CDH13: variants seen among roughly 807,000 people sequenced by gnomAD.
CDH13 encodes cadherin-13.
A neutral mutation model predicts 63.8 loss-of-function variants in CDH13; 24 were observed. The observed-to-expected ratio is 0.38, with a 90% CI of 0.27 to 0.53. CDH13 has a LOEUF of 0.53. CDH13 is among the 20% of genes least tolerant of loss of function. CDH13 has a pLI of 0.85. For synonymous variants in CDH13, 503 were observed against 355.3 expected, an observed-to-expected ratio of 1.42 and a Z score of -4.67; for missense variants, 1,049 against 903.1, an observed-to-expected ratio of 1.16 and a Z score of -2.07.
At chr16:83,368,884 TTATATATATATATA>T (rs150563585) in intron 6 of CDH13, among the ~76,000 whole-genome samples, 65 of 47,682 alleles carry the variant, frequency 1.4e-3, no homozygotes, top group South Asian at 2.5e-3. Context: ...GTATTCCATG[TTATATATATATATA>T]TATATATATA....
chr16:82,991,323 C>A (rs1911629344), intron 2 of CDH13, among the ~76,000 whole-genome samples: 1 of 152,120 alleles, frequency 6.6e-6, no homozygotes, highest in East Asian at 1.9e-4. Context: ...AGGTAAAAAT[C>A]AAATACTTTA....
At chr16:83,251,114 C>A (rs756110121) in intron 5 of CDH13, among the ~76,000 whole-genome samples, 1 of 152,072 alleles carries the variant, frequency 6.6e-6, no homozygotes, top group Admixed American at 6.5e-5. Flanking sequence ...GGAGATGGAA[C>A]TGTTTCACAT....
At chr16:82,804,493 AAAAG>A (rs1272394971) in intron 1 of CDH13, among the ~76,000 whole-genome samples, 1 of 152,182 alleles carries the variant, frequency 6.6e-6, no homozygotes, top group African/African-American at 2.4e-5. Context: ...GCTATTAAGA[AAAAG>A]AAATAAAAAC....
intron 6 of CDH13, among the ~76,000 whole-genome samples, chr16:83,387,175 G>A (rs1270072498): frequency 2.0e-5 from 3 of 152,174 alleles, no homozygotes; most frequent in African/African-American, 7.2e-5. Context: ...AATAGTATAT[G>A]TGAGAAGGAG....
intron 1 of CDH13, among the ~76,000 whole-genome samples, chr16:82,819,452 T>C (rs962720711): frequency 3.3e-5 from 5 of 152,174 alleles, no homozygotes; most frequent in African/African-American, 1.2e-4. Context: ...TACAGGAAGC[T>C]TCTAAGCTGC....
chr16:82,973,737 C>T (rs960150671), intron 2 of CDH13, among the ~76,000 whole-genome samples: 2 of 152,170 alleles, frequency 1.3e-5, no homozygotes, highest in African/African-American at 4.8e-5. Flanking sequence ...TCTTCTATCC[C>T]ATGACATTTC....
At chr16:83,018,287 T>A (rs1044754539) in intron 2 of CDH13, among the ~76,000 whole-genome samples, 1 of 152,180 alleles carries the variant, frequency 6.6e-6, no homozygotes, top group African/African-American at 2.4e-5. Context: ...GGTCTAAGCT[T>A]CTAGACGCTA....
At chr16:82,649,481 CA>C (rs1325510473) in intron 1 of CDH13, among the ~76,000 whole-genome samples, 1 of 152,164 alleles carries the variant, frequency 6.6e-6, no homozygotes, top group Non-Finnish European at 1.5e-5. Context: ...CTAGATTCAA[CA>C]AAAAGAACCA....
intron 1 of CDH13, among the ~76,000 whole-genome samples, chr16:82,700,001 G>A (rs2030787837): frequency 6.6e-6 from 1 of 152,176 alleles, no homozygotes; most frequent in South Asian, 2.1e-4. Flanking sequence ...TCCCAACTTG[G>A]CTAAGATTGG....
chr16:83,217,449 C>A lies in CDH13; in HGVS notation c.588C>A (p.Ser196Arg), dbSNP rs564006725. Residue 196 changes from serine (S) to arginine (R), a missense_variant, in exon 5 of 14, where the codon AGC (serine) becomes AGA (arginine). Coordinates refer to ENST00000567109, the MANE Select transcript of CDH13 (RefSeq NM_001257.5). ...GIFRINENTG[S>R]VSVTRTLDRE... ...TCAGAATCAATGAGAACACAGGGAG[C>A]GTCTCCGTGACACGGACCTTGGACA... The A allele has an allele frequency of 6.2e-7, 1 of 1,613,756 alleles. No individual in the cohort carries two copies. Among genetic ancestry groups the A allele is most frequent in the Non-Finnish European group, 8.5e-7 (1 of 1,179,732 alleles).
chr16:83,273,145 A>C (rs1369747795), intron 5 of CDH13, among the ~76,000 whole-genome samples: 2 of 151,968 alleles, frequency 1.3e-5, no homozygotes, highest in Admixed American at 1.3e-4. Flanking sequence ...TTCTTTAATC[A>C]AGCAAAATGG....
At chr16:83,214,637 G>T (rs112158579) in intron 4 of CDH13, among the ~76,000 whole-genome samples, 2 of 113,440 alleles carry the variant, frequency 1.8e-5, no homozygotes, top group South Asian at 5.8e-4. Context: ...AAAGGATAGA[G>T]ATACCATTCT....
intron 10 of CDH13, among the ~76,000 whole-genome samples, chr16:83,722,149 G>A (rs935439096): frequency 2.6e-5 from 4 of 152,156 alleles, no homozygotes; most frequent in Admixed American, 6.6e-5. Context: ...GGTGCCCACA[G>A]TATTCAAATC....
chr16:83,684,648 T>G (rs1379967880), intron 10 of CDH13, among the ~76,000 whole-genome samples: 1 of 152,196 alleles, frequency 6.6e-6, no homozygotes, highest in African/African-American at 2.4e-5. Flanking sequence ...AGTAAACAAT[T>G]CCACAGCAGA....
At chr16:83,348,500 G>T (rs1298595897) in intron 6 of CDH13, among the ~76,000 whole-genome samples, 1 of 152,220 alleles carries the variant, frequency 6.6e-6, no homozygotes, top group African/African-American at 2.4e-5. Context: ...ACACAGCCAA[G>T]GGAACAGAAG....
chr16:83,542,467 C>T (rs1214174957), intron 7 of CDH13, among the ~76,000 whole-genome samples: 2 of 152,200 alleles, frequency 1.3e-5, no homozygotes, highest in African/African-American at 4.8e-5. Flanking sequence ...GGACCAATAA[C>T]GTGCATTTCT....
intron 4 of CDH13, among the ~76,000 whole-genome samples, chr16:83,181,375 A>G (rs543851422): frequency 5.3e-5 from 8 of 152,296 alleles, no homozygotes; most frequent in African/African-American, 1.9e-4. Context: ...CCTTGCTAAC[A>G]AGCTGTGGGT....
intron 4 of CDH13, among the ~76,000 whole-genome samples, chr16:83,186,079 CTTTTTATTTTATTTT>C (rs2038509467): frequency 1.5e-5 from 2 of 135,182 alleles, no homozygotes; most frequent in East Asian, 2.5e-4. Context: ...TTAAAGGCAT[CTTTTTATTTTATTTT>C]ATTTTATTTT....
At chr16:82,987,064 C>T (rs79486569) in intron 2 of CDH13, among the ~76,000 whole-genome samples, 3,216 of 152,260 alleles carry the variant, frequency 0.021, 45 homozygotes, top group South Asian at 0.031. Context: ...CACAAAATGG[C>T]TACTCAGGAA....
Sources: gnomAD v4.1 joint callset for allele counts (sites outside exome capture counted in the v4.1 genomes callset) on GRCh38, gnomAD v4.1.1 for gene constraint, MANE v1.5 for transcripts, NCBI Gene and HGNC (gene_info 2026-07-23, HGNC 2026-07-21) for gene names.